Variants in CLEC16A observed in about 807,000 individuals in gnomAD.
CLEC16A encodes the protein C-type lectin domain containing 16A.
Under a neutral mutation model 109.5 loss-of-function variants are expected in CLEC16A, and 51 were observed. The ratio of observed to expected loss-of-function variants is 0.47; its 90% CI spans 0.37 to 0.59. CLEC16A has a LOEUF of 0.59. CLEC16A is among the 20% of genes least tolerant of loss of function. CLEC16A has a pLI of 0.00. For missense variants in CLEC16A, 1,339 were observed against 1,394.0 expected, an observed-to-expected ratio of 0.96 and a Z score of 0.63; for synonymous variants, 673 against 564.2, an observed-to-expected ratio of 1.19 and a Z score of -2.73.
At chr16:11,068,527 G>A (rs1219854075) in intron 19 of CLEC16A, among the ~76,000 whole-genome samples, 2 of 152,148 alleles carry the variant, frequency 1.3e-5, no homozygotes, top group Admixed American at 6.5e-5. Context: ...TGTGTACTCA[G>A]CTACCTGCCC....
At chr16:11,000,771 G>T (rs2044623379) in intron 10 of CLEC16A, among the ~76,000 whole-genome samples, 1 of 152,098 alleles carries the variant, frequency 6.6e-6, no homozygotes, top group South Asian at 2.1e-4. Flanking sequence ...TTTATATTTG[G>T]ATGCTAATTC....
At chr16:11,076,941 T>G (rs2152936071) in intron 19 of CLEC16A, among the ~76,000 whole-genome samples, 1 of 152,338 alleles carries the variant, frequency 6.6e-6, no homozygotes, top group East Asian at 1.9e-4. Context: ...CTATTCAGAT[T>G]AGGCAGAAAC....
At position 10,962,570 on chromosome 16, in the gene CLEC16A, A is replaced by G. The variant is rs1382863472; in HGVS notation, c.325A>G (p.Ser109Gly). The change falls in exon 3 of 24, where the codon AGT becomes GGT. Residue 109 changes from serine to glycine, a missense_variant. Physicochemically the swap from Ser to Gly is moderately conservative, Grantham distance 56 (BLOSUM62 0). This residue lies in a region of CLEC16A where 161 missense variants were observed against 267.1 expected (regional missense o/e 0.60). Coordinates refer to ENST00000409790, the MANE Select transcript of CLEC16A (RefSeq NM_015226.3). Reference sequence around the variant, plus strand: ...CTTGAACATCCTCTTTGAGAACATCAGTCACGAGACCTCACTTTGTAAGGA... The same window carrying G: ...CTTGAACATCCTCTTTGAGAACATCGGTCACGAGACCTCACTTTGTAAGGA... ...QTLNILFENI[S>G]HETSLYYLLS... is the part of the protein sequence containing the mutation. 1 of 1,613,704 alleles carries G rather than the reference A, an allele frequency of 6.2e-7. No individual in the cohort carries two copies. The highest frequency in any genetic ancestry group is 8.5e-7 in the Non-Finnish European group (1 of 1,179,802).
intron 10 of CLEC16A, among the ~76,000 whole-genome samples, chr16:10,988,665 G>A (rs569418935): frequency 7.2e-5 from 11 of 152,258 alleles, no homozygotes; most frequent in African/African-American, 1.9e-4. Context: ...GCTGTTCCAT[G>A]TTCCACCTCC....
At chr16:11,161,051 A>T (rs1036926050) in intron 22 of CLEC16A, among the ~76,000 whole-genome samples, 1 of 152,258 alleles carries the variant, frequency 6.6e-6, no homozygotes, top group African/African-American at 2.4e-5. Flanking sequence ...ATTGAGAGAC[A>T]GCTTACAATA....
chr16:11,072,285 A>AT (rs926361558), intron 19 of CLEC16A, among the ~76,000 whole-genome samples: 2 of 150,784 alleles, frequency 1.3e-5, no homozygotes, highest in Non-Finnish European at 3.0e-5. Context: ...ATGCCTGCCT[A>AT]TTTTTTTATT....
chr16:11,166,359 A>G, intron 22 of CLEC16A, 29 bp from the exon 23 acceptor site: 1 of 1,574,300 alleles, frequency 6.4e-7, no homozygotes, highest in Non-Finnish European at 8.6e-7. Flanking sequence ...CTTTGCTTCC[A>G]CTTGGTCACC....
At chr16:11,094,514 T>A (rs930919692) in intron 19 of CLEC16A, among the ~76,000 whole-genome samples, 18 of 152,238 alleles carry the variant, frequency 1.2e-4, no homozygotes, top group Non-Finnish European at 2.5e-4. Context: ...AGGCCTTGCC[T>A]CTGAAGTTTG....
chr16:10,978,281 G>A (rs2043132599), intron 8 of CLEC16A, among the ~76,000 whole-genome samples: 1 of 152,200 alleles, frequency 6.6e-6, no homozygotes, highest in South Asian at 2.1e-4. Flanking sequence ...GGGCCCCCCT[G>A]TGAGGAATGC....
intron 22 of CLEC16A, among the ~76,000 whole-genome samples, chr16:11,139,898 T>C (rs1050566698): frequency 3.8e-4 from 58 of 152,244 alleles, no homozygotes; most frequent in African/African-American, 1.4e-3. Flanking sequence ...AACTATGTGC[T>C]AGGCACTGGG....
chr16:11,022,361 T>G (rs907211405), intron 12 of CLEC16A, among the ~76,000 whole-genome samples: 10 of 142,374 alleles, frequency 7.0e-5, no homozygotes, highest in Middle Eastern at 3.5e-3. Context: ...TTTTTTTTTT[T>G]GCAAAGACAG....
At chr16:11,140,966 C>G (rs2053797361) in intron 22 of CLEC16A, among the ~76,000 whole-genome samples, 1 of 152,354 alleles carries the variant, frequency 6.6e-6, no homozygotes, top group South Asian at 2.1e-4. Context: ...GCTGGGCCAG[C>G]ATTTTACATG....
intron 13 of CLEC16A, 35 bp downstream of exon 13, chr16:11,024,956 G>A (rs1218423955): frequency 7.0e-7 from 1 of 1,434,540 alleles, no homozygotes; most frequent in Non-Finnish European, 9.7e-7. Flanking sequence ...TTCCTTGCTG[G>A]GCCCTGCATA....
intron 10 of CLEC16A, among the ~76,000 whole-genome samples, chr16:10,983,715 C>T (rs2043460000): frequency 6.6e-6 from 1 of 152,116 alleles, no homozygotes; most frequent in Non-Finnish European, 1.5e-5. Context: ...ATCCTGCTCA[C>T]ATGTCCTGAG....
intron 11 of CLEC16A, among the ~76,000 whole-genome samples, chr16:11,012,755 C>T (rs1392655336): frequency 6.6e-6 from 1 of 152,090 alleles, no homozygotes; most frequent in African/African-American, 2.4e-5. Context: ...TAAGGAGCAC[C>T]TCCTTCCTGC....
At chr16:10,982,837 G>T (rs771241445) in intron 9 of CLEC16A, 41 bp from the exon 10 acceptor site, 6 of 1,184,820 alleles carry the variant, frequency 5.1e-6, no homozygotes, top group Non-Finnish European at 7.5e-6. Context: ...TGAAAATACC[G>T]CACACTTTCA....
chr16:11,157,070 T>C, intron 22 of CLEC16A: 15 of 1,304,246 alleles, frequency 1.2e-5, no homozygotes, highest in Non-Finnish European at 1.5e-5. Flanking sequence ...TTTTTTCTTT[T>C]CTGCAGGTTT....
chr16:11,125,360 A>C (rs1054093238), intron 21 of CLEC16A, among the ~76,000 whole-genome samples: 3 of 151,794 alleles, frequency 2.0e-5, no homozygotes, highest in Non-Finnish European at 4.4e-5. Context: ...CAAATACTTC[A>C]TTTGAAAATT....
chr16:11,028,835 G>A (rs2046576257), intron 13 of CLEC16A, among the ~76,000 whole-genome samples: 1 of 152,108 alleles, frequency 6.6e-6, no homozygotes, highest in Non-Finnish European at 1.5e-5. Flanking sequence ...AAATTTCCCT[G>A]TAAGCACTGC....
Sources: allele counts gnomAD v4.1 joint callset (sites outside exome capture counted in the v4.1 genomes callset), GRCh38; gene constraint gnomAD v4.1.1; regional missense constraint gnomAD v4.1.1; transcripts MANE v1.5; gene names NCBI Gene and HGNC (gene_info 2026-07-23, HGNC 2026-07-21).